MRPS14: variants seen among roughly 807,000 people sequenced by gnomAD.
MRPS14 encodes mitochondrial ribosomal protein S14.
A neutral mutation model predicts 16.4 loss-of-function variants in MRPS14; 14 were observed. That is an observed-to-expected ratio of 0.85 (90% CI 0.56 to 1.33). The LOEUF is 1.33. Ranked by LOEUF, MRPS14 falls within the 40% of genes most tolerant of loss-of-function variation. The pLI is 0.00. For missense variants in MRPS14, 162 were observed against 176.8 expected (o/e 0.92, Z 0.48); for synonymous variants, 54 against 61.9 (o/e 0.87, Z 0.60).
At chr1:175,022,935 G>A (rs565224643) in intron 1 of MRPS14, among the ~76,000 whole-genome samples, 27 of 152,150 alleles carry the variant, frequency 1.8e-4, no homozygotes, top group Non-Finnish European at 3.2e-4. Context: ...TATCAACTTT[G>A]AGCAGAGTTG....
At chr1:175,021,437 G>A (rs1672976305) in intron 1 of MRPS14, among the ~76,000 whole-genome samples, 1 of 152,142 alleles carries the variant, frequency 6.6e-6, no homozygotes, top group South Asian at 2.1e-4. Context: ...CCATGCCCAT[G>A]TTGTGGGTAT....
At chr1:175,019,644 A>G (rs1360823293) in intron 1 of MRPS14, among the ~76,000 whole-genome samples, 1 of 152,122 alleles carries the variant, frequency 6.6e-6, no homozygotes, top group Non-Finnish European at 1.5e-5. Context: ...GTACTTTAAA[A>G]CTATCACTGA....
chr1:175,021,364 C>G (rs886289121), intron 1 of MRPS14, among the ~76,000 whole-genome samples: 2 of 152,210 alleles, frequency 1.3e-5, no homozygotes, highest in Admixed American at 6.5e-5. Context: ...CCTGATCACT[C>G]TGATTTCTTA....
chr1:175,016,833 T>C (rs914666010), intron 2 of MRPS14, among the ~76,000 whole-genome samples: 7 of 152,216 alleles, frequency 4.6e-5, no homozygotes, highest in Non-Finnish European at 8.8e-5. Context: ...CTCTTACCAA[T>C]TTCAAGTACA....
At chr1:175,021,476 C>A (rs566237448) in intron 1 of MRPS14, among the ~76,000 whole-genome samples, 2 of 152,156 alleles carry the variant, frequency 1.3e-5, no homozygotes, top group Admixed American at 1.3e-4. Flanking sequence ...AAGCTATTAT[C>A]TCACTTTGTA....
chr1:175,013,506 A>G lies in MRPS14; in HGVS notation c.*1163T>C, dbSNP rs1249201020. On this transcript the variant is annotated 3_prime_UTR_variant, in exon 3 of 3. Coordinates refer to ENST00000476371, the MANE Select transcript of MRPS14 (RefSeq NM_022100.3). ...AAAATCTGTCCTCTCTCCTCTACTAATACCACAATGTTAGTTCAGGCCTTC... is the reference window on the plus strand; with the variant it reads ...AAAATCTGTCCTCTCTCCTCTACTAGTACCACAATGTTAGTTCAGGCCTTC... 6.6e-6 allele frequency: 1 copy of G among 152,130 alleles called. No individual in the cohort carries two copies. The highest frequency in any genetic ancestry group is 1.5e-5 in the Non-Finnish European group (1 of 68,036). The allele number at this position is 152,130 out of a possible 1,614,324, so 9.4% of individuals were successfully genotyped here. A position where few individuals can be genotyped will look rare whatever the true frequency, so the allele number is the denominator to read the frequency against.
chr1:175,017,943 G>A (rs1324399039), intron 2 of MRPS14, among the ~76,000 whole-genome samples: 1 of 152,116 alleles, frequency 6.6e-6, no homozygotes, highest in East Asian at 1.9e-4. Context: ...AGCCAACATG[G>A]TGAAACCCTG....
At chr1:175,022,423 A>G (rs763990008) in intron 1 of MRPS14, 8 of 151,278 alleles carry the variant, frequency 5.3e-5, no homozygotes, top group Middle Eastern at 6.9e-3. Context: ...TTCATGCACA[A>G]GACCCCATAG....
chr1:175,015,309 G>A (rs1042660841), intron 2 of MRPS14, among the ~76,000 whole-genome samples: 1 of 152,062 alleles, frequency 6.6e-6, no homozygotes, highest in African/African-American at 2.4e-5. Context: ...TACATTTGAT[G>A]GTCATCTTAC....
Position 175,013,124 on chromosome 1 carries a change from A to G in MRPS14, c.*1545T>C, listed in dbSNP as rs1049750155. The G allele has an allele frequency of 9.9e-5, 15 of 152,236 alleles. No individual in the cohort carries two copies. Among genetic ancestry groups the G allele is most frequent in the African/African-American group, 3.6e-4 (15 of 41,460 alleles). 9.4% of individuals were successfully genotyped at this position (152,236 alleles called of 1,614,324 possible). On this transcript the variant is annotated 3_prime_UTR_variant, in exon 3 of 3. Coordinates refer to ENST00000476371, the MANE Select transcript of MRPS14 (RefSeq NM_022100.3). ...TCTAAGTTGAGATATTAGCTAGAAC[A>G]TTCCAGTTGGTAAGTTGTCATACAT...
intron 1 of MRPS14, among the ~76,000 whole-genome samples, chr1:175,022,258 T>C (rs1377089256): frequency 1.3e-5 from 2 of 152,142 alleles, no homozygotes; most frequent in Non-Finnish European, 1.5e-5. Flanking sequence ...TGGATATACC[T>C]GGTTAAATAA....
chr1:175,022,066 C>T, intron 1 of MRPS14, among the ~76,000 whole-genome samples: 1 of 151,888 alleles, frequency 6.6e-6, no homozygotes, highest in East Asian at 1.9e-4. Context: ...AAAACCAAAG[C>T]ATTGTAAACA....
chr1:175,021,269 G>C (rs761189086), intron 1 of MRPS14, among the ~76,000 whole-genome samples: 1 of 151,936 alleles, frequency 6.6e-6, no homozygotes, highest in African/African-American at 2.4e-5. Context: ...ATTTTTCCAC[G>C]ATTTTGGATC....
intron 1 of MRPS14, among the ~76,000 whole-genome samples, chr1:175,021,807 C>G (rs577546034): frequency 3.3e-5 from 5 of 152,314 alleles, no homozygotes; most frequent in Admixed American, 2.0e-4. Context: ...CCCACATCCT[C>G]ACACTCAGCT....
chr1:175,016,531 C>G (rs942432870), intron 2 of MRPS14, among the ~76,000 whole-genome samples: 3 of 152,124 alleles, frequency 2.0e-5, no homozygotes, highest in Non-Finnish European at 2.9e-5. Flanking sequence ...TGGCAGGCAG[C>G]AGAGAACCAT....
chr1:175,014,937 TC>T (rs1553306294), intron 2 of MRPS14, 86 bp from the exon 3 acceptor site: 101,301 of 624,164 alleles, frequency 0.16, 4,874 homozygotes, highest in African/African-American at 0.32. Flanking sequence ...AATTTTCTTT[TC>T]TTTTTTTTTT....
chr1:175,019,102 A>T (rs1435199518), intron 1 of MRPS14, among the ~76,000 whole-genome samples: 1 of 152,152 alleles, frequency 6.6e-6, no homozygotes. Context: ...AACTGAATGT[A>T]AAAAGCTTCC....
rs1202036776 is a variant in MRPS14, at chr1:175,013,029, A to AGTT, written c.*1637_*1639dup. The AGTT allele has an allele frequency of 6.6e-6, 1 of 152,244 alleles. No homozygotes were observed. The highest frequency in any genetic ancestry group is 2.4e-5 in the African/African-American group (1 of 41,464). 9.4% of individuals were successfully genotyped at this position (152,244 alleles called of 1,614,324 possible). A position where few individuals can be genotyped will look rare whatever the true frequency, so the allele number is the denominator to read the frequency against. ...CAAACTATAGCATGTATATATATCAAGTTGGCAGTATAAACTACTTGCAAG... is the reference window on the plus strand; with the variant it reads ...CAAACTATAGCATGTATATATATCAAGTTGTTGGCAGTATAAACTACTTGCAAG... On this transcript the variant is annotated 3_prime_UTR_variant, in exon 3 of 3. Coordinates refer to ENST00000476371, the MANE Select transcript of MRPS14 (RefSeq NM_022100.3).
intron 2 of MRPS14, among the ~76,000 whole-genome samples, chr1:175,015,164 G>A (rs1016629331): frequency 6.6e-6 from 1 of 151,976 alleles, no homozygotes; most frequent in Admixed American, 6.6e-5. Context: ...GCCCAGGCTG[G>A]TCTCAAACTC....
Sources: allele counts gnomAD v4.1 joint callset (sites outside exome capture counted in the v4.1 genomes callset), GRCh38; gene constraint gnomAD v4.1.1; transcripts MANE v1.5; gene names NCBI Gene and HGNC (gene_info 2026-07-23, HGNC 2026-07-21).